NTRK3: variants seen among roughly 807,000 people sequenced by gnomAD.
The protein encoded by NTRK3 is neurotrophic receptor tyrosine kinase 3, also known as NT-3 growth factor receptor.
Under a neutral mutation model 91.7 loss-of-function variants are expected in NTRK3, and 24 were observed. The observed-to-expected ratio is 0.26, with a 90% CI of 0.19 to 0.37. NTRK3 has a LOEUF of 0.37. NTRK3 is among the 10% of genes least tolerant of loss of function. The probability of loss-of-function intolerance (pLI) is 1.00; values close to 1 mark genes in which losing one functional copy is unlikely to be tolerated. For missense variants in NTRK3, 880 were observed against 1,068.9 expected (o/e 0.82, Z 2.46); for synonymous variants, 483 against 404.0 (o/e 1.20, Z -2.34).
intron 13 of NTRK3, among the ~76,000 whole-genome samples, chr15:88,119,126 G>T (rs561681686): frequency 6.6e-6 from 1 of 152,208 alleles, no homozygotes; most frequent in Non-Finnish European, 1.5e-5. Flanking sequence ...GCCTCCACAC[G>T]ACCAATGGTG....
intron 5 of NTRK3, among the ~76,000 whole-genome samples, chr15:88,169,315 T>C (rs1307261173): frequency 6.6e-6 from 1 of 152,192 alleles, no homozygotes; most frequent in Non-Finnish European, 1.5e-5. Flanking sequence ...GGAACACATG[T>C]AGAATGGTTC....
intron 17 of NTRK3, among the ~76,000 whole-genome samples, chr15:87,917,483 C>T (rs191154865): frequency 1.1e-4 from 17 of 152,262 alleles, no homozygotes; most frequent in African/African-American, 2.4e-4. Context: ...GCATCTGCTC[C>T]GTTGTTTCTA....
chr15:88,062,986 C>T (rs2046348257), intron 13 of NTRK3, among the ~76,000 whole-genome samples: 1 of 152,248 alleles, frequency 6.6e-6, no homozygotes, highest in African/African-American at 2.4e-5. Context: ...GGGGGCTTCC[C>T]CATCCCCCTC....
chr15:88,255,990 G>A lies in NTRK3; in HGVS notation c.164C>T (p.Pro55Leu). ...CCCTGAATCCTGCCCTTCCAGGAGG[G>A]GGAAGAGGTTCCCATCGTCCGGCCG... The change falls in exon 3 of 19, where the codon CCC (proline) becomes CTC (leucine). Residue 55 changes from proline to leucine, a missense_variant. By Grantham distance (98) the Pro-to-Leu change is moderately conservative (BLOSUM62 -3). Around this residue, in one of 3 missense-constraint regions of NTRK3, gnomAD observed 743 missense variants for 868.6 expected, o/e 0.86. Transcript: ENST00000394480. This position sits in a 1 kb window ranked among gnomAD's most constrained non-coding sequence, Gnocchi z 4.3. 6.2e-7 allele frequency: 1 copy of A among 1,613,670 alleles called. No homozygotes were observed. The highest frequency in any genetic ancestry group is 8.5e-7 in the Non-Finnish European group (1 of 1,179,836).
chr15:88,162,598 G>A (rs901816586), intron 5 of NTRK3, among the ~76,000 whole-genome samples: 7 of 152,278 alleles, frequency 4.6e-5, no homozygotes, highest in Admixed American at 3.3e-4. Flanking sequence ...CAGCATACGC[G>A]CTAAATGGTT....
intron 3 of NTRK3, among the ~76,000 whole-genome samples, chr15:88,204,897 C>A (rs1006504184): frequency 2.8e-4 from 42 of 152,298 alleles, no homozygotes; most frequent in African/African-American, 9.9e-4. Context: ...GCCCCTCTCC[C>A]ATTGGATCAA....
intron 3 of NTRK3, among the ~76,000 whole-genome samples, chr15:88,230,202 A>T (rs1023172667): frequency 3.9e-5 from 6 of 152,184 alleles, no homozygotes; most frequent in African/African-American, 7.2e-5. Flanking sequence ...AAAAGTGCTC[A>T]GCACATAGCA....
At chr15:88,131,407 C>T (rs1247958943) in intron 10 of NTRK3, among the ~76,000 whole-genome samples, 7 of 152,184 alleles carry the variant, frequency 4.6e-5, no homozygotes, top group African/African-American at 7.2e-5. Flanking sequence ...TTATGGTACA[C>T]GCAGTTCGGT....
intron 14 of NTRK3, among the ~76,000 whole-genome samples, chr15:87,987,477 TTCTC>T (rs199802447): frequency 0.026 from 3,994 of 152,048 alleles, 71 homozygotes; most frequent in South Asian, 0.062. Flanking sequence ...GTGTGTGTCT[TTCTC>T]TCTCTATCTA....
intron 17 of NTRK3, among the ~76,000 whole-genome samples, chr15:87,881,274 A>G (rs2065228289): frequency 6.6e-6 from 1 of 152,234 alleles, no homozygotes; most frequent in Non-Finnish European, 1.5e-5. Flanking sequence ...TCATTAGTAA[A>G]TAGATTTTCA....
intron 6 of NTRK3, 147 bp downstream of exon 6, chr15:88,147,188 C>T: frequency 4.1e-6 from 3 of 724,576 alleles, no homozygotes; most frequent in Non-Finnish European, 7.5e-6. Context: ...TCTCACTGAA[C>T]ATGGTACACT....
intron 13 of NTRK3, among the ~76,000 whole-genome samples, chr15:88,125,917 T>G: frequency 6.6e-6 from 1 of 152,214 alleles, no homozygotes; most frequent in South Asian, 2.1e-4. Flanking sequence ...GTCCTCAAAC[T>G]AGGAGTCCCT....
chr15:88,072,340 G>A (rs1397832588), intron 13 of NTRK3: 6 of 193,310 alleles, frequency 3.1e-5, no homozygotes, highest in African/African-American at 4.6e-5. Context: ...AGGGGCTCTC[G>A]GGAGTCCCAG....
chr15:88,106,094 T>C (rs764783370), intron 13 of NTRK3, among the ~76,000 whole-genome samples: 25 of 152,252 alleles, frequency 1.6e-4, no homozygotes, highest in Non-Finnish European at 2.9e-4. Context: ...ATATTTTCAT[T>C]GGTCCATTCC....
intron 3 of NTRK3, among the ~76,000 whole-genome samples, chr15:88,200,383 T>A (rs1349521281): frequency 6.6e-6 from 1 of 152,206 alleles, no homozygotes; most frequent in Non-Finnish European, 1.5e-5. Flanking sequence ...CATCTGGTGT[T>A]CCTGGAGAGA....
At chr15:88,097,879 G>A (rs1174580381) in intron 13 of NTRK3, among the ~76,000 whole-genome samples, 2 of 152,186 alleles carry the variant, frequency 1.3e-5, no homozygotes, top group Admixed American at 1.3e-4. Context: ...GCTAGCACAA[G>A]GGTGATTTAC....
chr15:87,979,299 C>T (rs1385534126), intron 14 of NTRK3: 1 of 1,368,460 alleles, frequency 7.3e-7, no homozygotes. Flanking sequence ...TCAGAGGGCC[C>T]AGCCTACCAA....
At chr15:88,156,961 TACA>T (rs1314332994) in intron 5 of NTRK3, among the ~76,000 whole-genome samples, 3 of 152,118 alleles carry the variant, frequency 2.0e-5, no homozygotes, top group African/African-American at 7.2e-5. Context: ...CATTTCTTTC[TACA>T]CAGCAACCAC....
chr15:88,174,651 G>A (rs1405529844), intron 5 of NTRK3, among the ~76,000 whole-genome samples: 1 of 152,236 alleles, frequency 6.6e-6, no homozygotes, highest in Non-Finnish European at 1.5e-5. Context: ...GAAAGTCCAG[G>A]GGGAAACAGC....
Sources: gnomAD v4.1 joint callset for allele counts (sites outside exome capture counted in the v4.1 genomes callset) on GRCh38, gnomAD v4.1.1 for gene constraint, gnomAD v4.1.1 regional missense constraint, Gnocchi (gnomAD v3.1) non-coding constraint, MANE v1.5 for transcripts, NCBI Gene and HGNC (gene_info 2026-07-23, HGNC 2026-07-21) for gene names.